Variants in PLEC observed in about 807,000 individuals in gnomAD.
PLEC encodes the protein plectin, also known as hemidesmosomal protein 1.
In PLEC, 216 loss-of-function variants were observed where a neutral mutation model predicts 392.8. The ratio of observed to expected loss-of-function variants is 0.55; its 90% CI spans 0.49 to 0.62. PLEC has a LOEUF of 0.62. PLEC is among the 20% of genes least tolerant of loss of function. The pLI is 0.00. For missense variants in PLEC, 6,863 were observed against 6,563.4 expected (o/e 1.05, Z -1.58); for synonymous variants, 3,621 against 2,980.6 (o/e 1.21, Z -7.00).
upstream of PLEC, among the ~76,000 whole-genome samples, chr8:143,952,090 G>C (rs1313898315): frequency 2.0e-5 from 3 of 152,328 alleles, no homozygotes; most frequent in East Asian, 5.8e-4. Context: ...CGAGGTGGGA[G>C]GCGCTGGCCA....
chr8:143,948,594 C>T (rs570058567), intron 1 of PLEC, among the ~76,000 whole-genome samples: 2 of 152,236 alleles, frequency 1.3e-5, no homozygotes, highest in African/African-American at 4.8e-5. Flanking sequence ...TGGCTCGCTT[C>T]CTGTTGGAAA....
At chr8:143,927,171 T>C in intron 28 of PLEC, 81 bp downstream of exon 28, 4 of 1,570,124 alleles carry the variant, frequency 2.5e-6, no homozygotes, top group East Asian at 2.2e-5. Context: ...TTCCCTGGCA[T>C]GGCCCAGGCT....
intron 15 of PLEC, 33 bp from the exon 16 acceptor site, chr8:143,932,594 C>A: frequency 1.2e-6 from 2 of 1,612,150 alleles, no homozygotes; most frequent in Non-Finnish European, 1.7e-6. Context: ...CAGCAGGCCG[C>A]GGGCTACCCA....
rs375622785 is a variant in PLEC at position 143,915,513 on chromosome 8, G to A, written c.*664C>T. ...AGTTCCCAGCCATGCCGGCTGGAACGTCCGCCTCCCCACTGGGTCTGGGTC... is the reference window on the plus strand; with the variant it reads ...AGTTCCCAGCCATGCCGGCTGGAACATCCGCCTCCCCACTGGGTCTGGGTC... On this transcript the variant is annotated 3_prime_UTR_variant, in exon 32 of 32. Transcript: ENST00000345136. 5.9e-5 allele frequency: 9 copies of A among 152,554 alleles called. No homozygotes were observed. Among genetic ancestry groups the A allele is most frequent in the African/African-American group, 2.2e-4 (9 of 41,578 alleles). 9.5% of individuals were successfully genotyped at this position (152,554 alleles called of 1,614,324 possible).
chr8:143,946,987 G>GTGCT (rs1322940278), intron 1 of PLEC, among the ~76,000 whole-genome samples: 1 of 152,090 alleles, frequency 6.6e-6, no homozygotes, highest in African/African-American at 2.4e-5. Flanking sequence ...CTCCACCCAG[G>GTGCT]TGCTTGCTGA....
chr8:143,924,204 G>A lies in PLEC; in HGVS notation c.5725C>T (p.Gln1909Ter). 3.1e-6 allele frequency: 5 copies of A among 1,598,996 alleles called. No homozygotes were observed. Among genetic ancestry groups the A allele is most frequent in the Non-Finnish European group, 2.5e-6 (3 of 1,179,540 alleles). Residue 1909 changes from glutamine to a stop codon, truncating the protein, a stop_gained, in exon 31 of 32, where the codon CAG becomes TAG. Transcript: ENST00000345136. LOFTEE classifies it high-confidence loss of function. ...AGCGTGTCCTCCACCAGCCCCTTCT[G>A]CCGCTCCAGCTCGCTGTCCGATGCC... ...RKASDSELER[Q>*]KGLVEDTLRQ...
chr8:143,918,855 G>A lies in PLEC; in HGVS notation c.10966C>T (p.Arg3656Trp), dbSNP rs782033096. 1.7e-5 allele frequency: 27 copies of A among 1,612,812 alleles called. No homozygotes were observed. The highest frequency in any genetic ancestry group is 6.7e-5 in the Admixed American group (4 of 60,008). The change falls in exon 32 of 32, where the codon CGG becomes TGG. Residue 3656 changes from arginine to tryptophan, a missense_variant. Transcript: ENST00000345136. ...RLTAEDLFEA[R>W]IISLETYNLL... ...TTGTAGGTCTCGAGAGAGATGATCC[G>A]AGCCTCGAACAGGTCCTCAGCCGTG...
intron 12 of PLEC, 75 bp downstream of exon 12, chr8:143,933,923 T>C: frequency 7.5e-7 from 1 of 1,336,944 alleles, no homozygotes; most frequent in Non-Finnish European, 1.0e-6. Context: ...AGCCCCCTCC[T>C]GGCTTTAGGG....
rs782448188 is a variant in PLEC at position 143,916,506 on chromosome 8, T to C, written c.13315A>G (p.Lys4439Glu). The C allele has an allele frequency of 8.1e-6, 13 of 1,611,354 alleles. No homozygotes were observed. Among genetic ancestry groups the C allele is most frequent in the South Asian group, 1.1e-5 (1 of 91,070 alleles). ...TTATAGGAGATCTTGAGCTTGGTCT[T>C]AGGGCAGGTGAGGTACTTGGAGTAG... Reference protein sequence around the residue: ...GAYSKYLTCPKTKLKISYKDA... With the variant: ...GAYSKYLTCPETKLKISYKDA... The change falls in exon 32 of 32, where the codon AAG becomes GAG. Residue 4439 changes from lysine (K) to glutamate (E), a missense_variant. Physicochemically the swap from Lys to Glu is moderately conservative, Grantham distance 56. Transcript: ENST00000345136.
In PLEC at chr8:143,920,412, G is replaced by T; in HGVS notation, c.9409C>A (p.Gln3137Lys). 1 of 1,594,440 alleles carries T rather than the reference G, an allele frequency of 6.3e-7. No homozygotes were observed. The change falls in exon 32 of 32, where the codon CAG becomes AAG. Residue 3137 changes from glutamine to lysine, a missense_variant. Transcript: ENST00000345136. ...REQGLRLLDA[Q>K]LSTGGIVDPS... is the part of the protein sequence containing the mutation. ...TCCACGATGCCGCCCGTGGACAGCT[G>T]GGCGTCCAACAGGCGCAGGCCCTGC...
chr8:143,917,772 G>C lies in PLEC; in HGVS notation c.12049C>G (p.Pro4017Ala). ...AERAVTGYKDPYSGKLISLFQ... is the reference protein window; with the variant it reads ...AERAVTGYKDAYSGKLISLFQ... ...AGGGAGATGAGCTTCCCAGAGTAGG[G>C]GTCCTTGTACCCAGTGACGGCGCGC... is the stretch of plus-strand genomic sequence containing the variant. Residue 4017 changes from proline to alanine, a missense_variant, in exon 32 of 32, where the codon CCC becomes GCC. Physicochemically the swap from Pro to Ala is conservative, Grantham distance 27. Coordinates refer to ENST00000345136, the MANE Select transcript of PLEC (RefSeq NM_201384.3). The C allele has an allele frequency of 1.2e-6, 2 of 1,613,564 alleles. No homozygotes were observed. Among genetic ancestry groups the C allele is most frequent in the Non-Finnish European group, 1.7e-6 (2 of 1,179,994 alleles).
At position 143,918,467 on chromosome 8, in the gene PLEC, G is replaced by A; in HGVS notation, c.11354C>T (p.Ala3785Val). The A allele has an allele frequency of 6.3e-7, 1 of 1,592,264 alleles. No homozygotes were observed. ...AGTAGGGATCAGCTCCTTCTTCATG[G>A]CCTGGAAGAGCGAGATGGTCTGCTC... ...YTEQTISLFQ[A>V]MKKELIPTEE... Residue 3785 changes from alanine (A) to valine (V), a missense_variant, in exon 32 of 32, where the codon GCC becomes GTC. Ala to Val is a moderately conservative substitution (Grantham distance 64). Coordinates refer to ENST00000345136, the MANE Select transcript of PLEC (RefSeq NM_201384.3).
chr8:143,937,308 C>A, intron 3 of PLEC, 66 bp from the exon 4 acceptor site: 1 of 1,225,122 alleles, frequency 8.2e-7, no homozygotes, highest in South Asian at 1.2e-5. Flanking sequence ...CTCAGCATGC[C>A]CCAAAGCGCC....
chr8:143,946,544 T>G, intron 1 of PLEC: 3 of 455,696 alleles, frequency 6.6e-6, no homozygotes, highest in Non-Finnish European at 1.2e-5. Flanking sequence ...TAAGCAGAGA[T>G]GAAGCCCAGC....
chr8:143,944,984 A>G (rs1831228297), intron 1 of PLEC, among the ~76,000 whole-genome samples: 3 of 148,216 alleles, frequency 2.0e-5, no homozygotes, highest in South Asian at 2.1e-4. Context: ...CAGCTCCCAC[A>G]GGGGGTTCTA....
upstream of PLEC, chr8:143,942,290 C>T: frequency 2.1e-6 from 3 of 1,431,052 alleles, no homozygotes; most frequent in Non-Finnish European, 2.9e-6. Context: ...AAGGCGCCAC[C>T]CCCATCCCAG....
chr8:143,940,285 C>T (rs1554727762), upstream of PLEC, among the ~76,000 whole-genome samples: 1 of 152,202 alleles, frequency 6.6e-6, no homozygotes, highest in African/African-American at 2.4e-5. Flanking sequence ...GTCGGAGGCG[C>T]GTAGCTGAGG....
Position 143,918,312 on chromosome 8 carries a change from G to C in PLEC, c.11509C>G (p.Leu3837Val), listed in dbSNP as rs782299926. Residue 3837 changes from leucine to valine, a missense_variant, in exon 32 of 32, where the codon CTG (leucine) becomes GTG (valine). Transcript: ENST00000345136. ...CTGCGCACCTCGCTGGGCTCTGACA[G>C]CTGGTCGTGCGTGTCCTTGTTGAGG... ...GYLNKDTHDQLSEPSEVRSYV... is the reference protein window; with the variant it reads ...GYLNKDTHDQVSEPSEVRSYV... 104 of 1,590,152 alleles carry C rather than the reference G, an allele frequency of 6.5e-5. 3 individuals carry two copies. The South Asian group carries it at 1.1e-3, about 17-fold the overall frequency.
At chr8:143,948,294 C>T (rs1187369793) in intron 1 of PLEC, among the ~76,000 whole-genome samples, 2 of 152,268 alleles carry the variant, frequency 1.3e-5, no homozygotes, top group Non-Finnish European at 2.9e-5. Context: ...CTGACCTTGC[C>T]CTTCTGCCAA....
Sources: gnomAD v4.1 joint callset for allele counts (sites outside exome capture counted in the v4.1 genomes callset) on GRCh38, gnomAD v4.1.1 for gene constraint, MANE v1.5 for transcripts, NCBI Gene and HGNC (gene_info 2026-07-23, HGNC 2026-07-21) for gene names.